The following EPN2 variants were observed in gnomAD, a reference collection of about 807,000 sequenced individuals.
EPN2 encodes the protein epsin 2.
EPN2 carries 34 observed loss-of-function variants against 61.7 expected under a neutral mutation model. That is an observed-to-expected ratio of 0.55 (90% confidence interval 0.42 to 0.73). The LOEUF is 0.73. EPN2 is among the 30% of genes least tolerant of loss of function. The pLI, the probability that EPN2 is intolerant of heterozygous loss-of-function variation, is 0.00. For synonymous variants in EPN2, 349 were observed against 353.6 expected (o/e 0.99, Z 0.15); for missense variants, 714 against 839.2 (o/e 0.85, Z 1.84).
intron 7 of EPN2, among the ~76,000 whole-genome samples, chr17:19,316,754 C>T (rs1906403824): frequency 6.6e-6 from 1 of 152,238 alleles, no homozygotes; most frequent in Non-Finnish European, 1.5e-5. Context: ...GCTGTACCAT[C>T]ATTTACTAAG....
At chr17:19,259,555 G>A (rs977825143) in intron 1 of EPN2, among the ~76,000 whole-genome samples, 2 of 152,096 alleles carry the variant, frequency 1.3e-5, no homozygotes, top group Non-Finnish European at 2.9e-5. Flanking sequence ...CTTGTGATCT[G>A]CCCGCCTCGG....
chr17:19,246,148 C>G (rs1406972202), intron 1 of EPN2, among the ~76,000 whole-genome samples: 1 of 152,036 alleles, frequency 6.6e-6, no homozygotes, highest in Non-Finnish European at 1.5e-5. Flanking sequence ...ATCATGAGGT[C>G]AAGAGATCAA....
At chr17:19,242,214 A>G (rs944188007) in intron 1 of EPN2, among the ~76,000 whole-genome samples, 1 of 150,892 alleles carries the variant, frequency 6.6e-6, no homozygotes, top group Non-Finnish European at 1.5e-5. Context: ...AGGTGGGCGG[A>G]TCACTTGAGG....
rs77452475 is a variant in EPN2, at chr17:19,264,515, G to A, written c.-293-17440G>A. On this transcript the variant is annotated intron_variant, in intron 1 of 10. Coordinates refer to ENST00000314728, the MANE Select transcript of EPN2 (RefSeq NM_014964.5). ...CTTATCTTGCTGATTCTCGCTGGCT[G>A]CCATTTCCATTTTACAAATGAGGAA... Among the ~76,000 whole-genome samples the A allele has an allele frequency of 3.3e-5, 5 of 152,288 alleles. No individual in the cohort carries two copies. In the East Asian group the frequency reaches 9.6e-4, roughly 29 times the overall value.
At chr17:19,293,789 T>G (rs895858332) in intron 4 of EPN2, among the ~76,000 whole-genome samples, 24 of 151,834 alleles carry the variant, frequency 1.6e-4, no homozygotes, top group Admixed American at 8.5e-4. Context: ...TTCTCAGAAT[T>G]GAAACAGTGC....
chr17:19,283,428 C>A lies in EPN2; in HGVS notation c.309C>A (p.Ile103=), dbSNP rs1231110435. The change falls in exon 3 of 11, where the codon ATC becomes ATA. Residue 103 remains isoleucine, a synonymous_variant. Transcript: ENST00000314728. This position sits in a 1 kb window ranked among gnomAD's most constrained non-coding sequence, Gnocchi z 7.0. ...AQQCRENIFA[I]QTLKDFQYID... is the part of the protein sequence containing the mutation. ...AGTGCCGGGAGAACATCTTCGCCAT[C>A]CAGACCCTGAAGGACTTCCAGTACA... 1 of 1,614,216 alleles carries A rather than the reference C, an allele frequency of 6.2e-7. No homozygotes were observed. Among genetic ancestry groups the A allele is most frequent in the South Asian group, 1.1e-5 (1 of 91,084 alleles).
rs1197158191 is a variant in EPN2 at position 19,335,508 on chromosome 17, C to T, written c.*1254C>T. 2.6e-6 allele frequency: 4 copies of T among 1,536,378 alleles called. No homozygotes were observed. In the African/African-American group the frequency reaches 5.5e-5, roughly 21 times the overall value. On this transcript the variant is annotated 3_prime_UTR_variant, in exon 11 of 11. Transcript: ENST00000314728. ...GATCTCCTCTGTCTTAATCCACGCT[C>T]AGGCTAAAGATGGGGATAATGTGGA...
intron 1 of EPN2, chr17:19,248,485 A>C (rs773065491): frequency 6.6e-6 from 1 of 152,204 alleles, no homozygotes; most frequent in Non-Finnish European, 1.5e-5. Flanking sequence ...TTTAAATTAC[A>C]TTTCTTTAAT....
chr17:19,256,061 C>T (rs930947872), intron 1 of EPN2, among the ~76,000 whole-genome samples: 1 of 152,026 alleles, frequency 6.6e-6, no homozygotes, highest in Admixed American at 6.6e-5. Flanking sequence ...CCTCAGCCTC[C>T]CGAGTAGCTG....
intron 7 of EPN2, among the ~76,000 whole-genome samples, chr17:19,322,112 G>A (rs531789348): frequency 2.0e-5 from 3 of 152,294 alleles, no homozygotes; most frequent in Non-Finnish European, 2.9e-5. Flanking sequence ...CGATCTGCAT[G>A]AGACACTGGA....
At chr17:19,289,724 G>GTTTTGTTTTTTTTTTTTTGTTTT (rs772230550) in intron 4 of EPN2, among the ~76,000 whole-genome samples, 11 of 78,028 alleles carry the variant, frequency 1.4e-4, no homozygotes, top group South Asian at 5.8e-4. Flanking sequence ...GGCGCTCATG[G>GTTTTGTTTTTTTTTTTTTGTTTT]TTTTTTTTTT....
At chr17:19,250,360 T>G (rs988526621) in intron 1 of EPN2, among the ~76,000 whole-genome samples, 2 of 152,128 alleles carry the variant, frequency 1.3e-5, no homozygotes, top group African/African-American at 4.8e-5. Flanking sequence ...CCTCCCAAAG[T>G]GCTGGGATTA....
At chr17:19,313,368 G>T (rs367735561) in intron 7 of EPN2, 89 bp downstream of exon 7, 2 of 1,317,508 alleles carry the variant, frequency 1.5e-6, no homozygotes, top group East Asian at 2.7e-5. Flanking sequence ...ACCCACTTGG[G>T]TCTGGTCGAT....
At chr17:19,246,238 G>A (rs1204903850) in intron 1 of EPN2, among the ~76,000 whole-genome samples, 2 of 152,136 alleles carry the variant, frequency 1.3e-5, no homozygotes, top group Admixed American at 1.3e-4. Flanking sequence ...CATGCCTGTA[G>A]TCCCAGCTAC....
rs78902256 is a variant in EPN2, at chr17:19,263,817, T to A, written c.-293-18138T>A. On this transcript the variant is annotated intron_variant, in intron 1 of 10. Transcript: ENST00000314728. ...GCCTTCCTGAGGCCTTGGGCTTATG[T>A]TTTCCTTGTGAGGCATAAATATGCT... Among the ~76,000 whole-genome samples the A allele has an allele frequency of 5.1e-4, 77 of 152,040 alleles. No homozygotes were observed. The East Asian group carries it at 0.014, about 27-fold the overall frequency.
intron 10 of EPN2, among the ~76,000 whole-genome samples, chr17:19,332,338 C>G (rs186535265): frequency 6.6e-6 from 1 of 152,132 alleles, no homozygotes; most frequent in African/African-American, 2.4e-5. Context: ...GGTGCCCCCC[C>G]AGTTGTGAGA....
chr17:19,298,112 G>A (rs769833055), intron 4 of EPN2, among the ~76,000 whole-genome samples: 1 of 152,128 alleles, frequency 6.6e-6, no homozygotes, highest in Non-Finnish European at 1.5e-5. Flanking sequence ...CTGACCTCGT[G>A]ATCTGCCCTC....
intron 7 of EPN2, 31 bp from the exon 8 acceptor site, chr17:19,328,680 A>G: frequency 6.4e-7 from 1 of 1,570,322 alleles, no homozygotes; most frequent in South Asian, 1.2e-5. Context: ...CTCTGAAGGC[A>G]TTTCTGAGCC....
At chr17:19,312,206 C>A in intron 6 of EPN2, 62 bp downstream of exon 6, 2 of 1,197,706 alleles carry the variant, frequency 1.7e-6, no homozygotes, top group Non-Finnish European at 1.2e-6. Flanking sequence ...CTCAATATCC[C>A]CCCACCAACT....
Sources: allele counts gnomAD v4.1 joint callset (sites outside exome capture counted in the v4.1 genomes callset), GRCh38; gene constraint gnomAD v4.1.1; non-coding constraint Gnocchi (gnomAD v3.1); transcripts MANE v1.5; gene names NCBI Gene and HGNC (gene_info 2026-07-23, HGNC 2026-07-21).